LMNTD2: variants seen among roughly 807,000 people sequenced by gnomAD.
LMNTD2 encodes lamin tail domain containing 2.
In LMNTD2, 83 loss-of-function variants were observed where a neutral mutation model predicts 70.1. The ratio of observed to expected loss-of-function variants is 1.18; its 90% CI spans 0.99 to 1.42. The LOEUF is 1.42. Ranked by LOEUF, LMNTD2 falls within the 40% of genes most tolerant of loss-of-function variation. The probability of loss-of-function intolerance (pLI) is 0.00; values close to 1 mark genes in which losing one functional copy is unlikely to be tolerated. For synonymous variants in LMNTD2, 534 were observed against 406.1 expected (o/e 1.31, Z -3.79); for missense variants, 1,153 against 905.9 (o/e 1.27, Z -3.50).
chr11:556,142 G>C, intron 10 of LMNTD2, 27 bp from the exon 11 acceptor site: 1 of 1,329,536 alleles, frequency 7.5e-7, no homozygotes, highest in South Asian at 2.1e-5. Context: ...CGGCGGGTGA[G>C]GGGCGGCCGG....
intron 8 of LMNTD2, 61 bp from the exon 9 acceptor site, chr11:556,649 C>T: frequency 3.5e-6 from 5 of 1,437,158 alleles, no homozygotes; most frequent in East Asian, 2.5e-5. Context: ...CGGATGTTCC[C>T]CGTGAGGTCA....
rs752850359 is a variant in LMNTD2, at chr11:556,085, T to C, written c.1288A>G (p.Lys430Glu). 2.2e-5 allele frequency: 34 copies of C among 1,535,644 alleles called. No individual in the cohort carries two copies. The East Asian group carries it at 4.8e-4, about 22-fold the overall frequency. The change falls in exon 11 of 14, where the codon AAG becomes GAG. Residue 430 changes from lysine (K) to glutamate (E), a missense_variant. Coordinates refer to ENST00000329451, the MANE Select transcript of LMNTD2 (RefSeq NM_173573.3). ...VWGEATRSAK[K>E]PLRASSSREP... is the part of the protein sequence containing the mutation. ...CGGCTCGAGGACGCGCGCAGCGGCT[T>C]CTTGGCGCTGCGGGTCGCCTCGCCC... is the stretch of plus-strand genomic sequence containing the variant.
In LMNTD2 at chr11:555,638, G is replaced by GT. The variant is rs1323417001; in HGVS notation, c.1574+95dup. On this transcript the variant is annotated intron_variant, in intron 12 of 13. Coordinates refer to ENST00000329451, the MANE Select transcript of LMNTD2 (RefSeq NM_173573.3). ...GGCGGCCGGGGCGGGGCCTGGGGAA[G>GT]TAGGGGTCCGTCCTAGCGAGGGGAT... 3 of 1,272,088 alleles carry GT rather than the reference G, an allele frequency of 2.4e-6. No homozygotes were observed. The African/African-American group carries it at 4.7e-5, about 20-fold the overall frequency. 78.8% of individuals were successfully genotyped at this position (1,272,088 alleles called of 1,614,324 possible).
intron 1 of LMNTD2, 92 bp downstream of exon 1, chr11:560,591 G>C: frequency 2.3e-6 from 3 of 1,293,054 alleles, no homozygotes; most frequent in Admixed American, 8.3e-5. Context: ...GGGGGTTGCG[G>C]GATCTCAAGC....
intron 3 of LMNTD2, 145 bp from the exon 4 acceptor site, chr11:558,393 C>T: frequency 9.1e-7 from 1 of 1,100,388 alleles, no homozygotes; most frequent in South Asian, 1.6e-5. Flanking sequence ...TGGGGCTGGC[C>T]AGCCTCCGGC....
At position 555,071 on chromosome 11, in the gene LMNTD2, G is replaced by C; in HGVS notation, c.1814C>G (p.Ala605Gly). The C allele has an allele frequency of 6.3e-7, 1 of 1,579,424 alleles. No homozygotes were observed. Among genetic ancestry groups the C allele is most frequent in the Non-Finnish European group, 8.6e-7 (1 of 1,166,540 alleles). Reference sequence around the variant, plus strand: ...CTCCGCCGTGTTCTGCACCGACAGGGCCACCAGGGGGCAGCTACGGTCCAC... The same window carrying C: ...CTCCGCCGTGTTCTGCACCGACAGGCCCACCAGGGGGCAGCTACGGTCCAC... Reference protein sequence around the residue: ...KSVDRSCPLVALSVQNTAESR... With the variant: ...KSVDRSCPLVGLSVQNTAESR... The change falls in exon 14 of 14, where the codon GCC becomes GGC. Residue 605 changes from alanine to glycine, a missense_variant. Coordinates refer to ENST00000329451, the MANE Select transcript of LMNTD2 (RefSeq NM_173573.3).
In LMNTD2 at chr11:558,536, G is replaced by C. The variant is rs949163707; in HGVS notation, c.311+78C>G. ...GGTAAGGATCTGCCTCAGCGGTTGG[G>C]GTTGGGGTCAGACAGAAACCAGGAG... On this transcript the variant is annotated intron_variant, in intron 3 of 13. Transcript: ENST00000329451. 7.3e-6 allele frequency: 11 copies of C among 1,501,398 alleles called. No individual in the cohort carries two copies. The African/African-American group carries it at 1.4e-4, about 19-fold the overall frequency. 93.0% of individuals were successfully genotyped at this position (1,501,398 alleles called of 1,614,324 possible). A position where few individuals can be genotyped will look rare whatever the true frequency, so the allele number is the denominator to read the frequency against.
chr11:560,474 C>A (rs1853205474), intron 1 of LMNTD2: 2 of 1,254,182 alleles, frequency 1.6e-6, no homozygotes, highest in Non-Finnish European at 2.0e-6. Flanking sequence ...GGTGACCCTG[C>A]GACCCCGCGA....
At position 557,487 on chromosome 11, in the gene LMNTD2, C is replaced by T. The variant is rs561284051; in HGVS notation, c.625G>A (p.Gly209Ser). ...CAATCCACGTCCTCCAGCCGAAAGC[C>T]CTGGCCAGGAAGCAAGAGGCACATG... ...SENIQAPTGE[G>S]FRLEDVDWNS... The change falls in exon 7 of 14, where the codon GGC becomes AGC. Residue 209 changes from glycine to serine, a missense_variant and splice_region_variant. Physicochemically the swap from Gly to Ser is moderately conservative, Grantham distance 56. Coordinates refer to ENST00000329451, the MANE Select transcript of LMNTD2 (RefSeq NM_173573.3). The T allele has an allele frequency of 3.9e-4, 630 of 1,612,804 alleles. 11 individuals carry two copies. The South Asian group carries it at 6.6e-3, about 17-fold the overall frequency.
In LMNTD2 at chr11:556,489, T is replaced by A; in HGVS notation, c.1073+3A>T. ...CCGGAGGCTTGGGTCACTCGCCCCT[T>A]ACCTCTGCAGGAGTTCCGGGCTCCA... On this transcript the variant is annotated splice_donor_region_variant and intron_variant, in intron 9 of 13. Transcript: ENST00000329451. 6.4e-7 allele frequency: 1 copy of A among 1,550,822 alleles called. No individual in the cohort carries two copies. The highest frequency in any genetic ancestry group is 8.7e-7 in the Non-Finnish European group (1 of 1,147,152).
Position 557,552 on chromosome 11 carries a change from A to C in LMNTD2, c.624+20T>G, listed in dbSNP as rs1331885055. ...CAGGGCTCCAGATACCAGACCACAC[A>C]CGTGGGAGGCCTAGCTCACCTCCCC... On this transcript the variant is annotated intron_variant, in intron 6 of 13. Coordinates refer to ENST00000329451, the MANE Select transcript of LMNTD2 (RefSeq NM_173573.3). The C allele has an allele frequency of 1.2e-6, 2 of 1,613,288 alleles. No individual in the cohort carries two copies. The highest frequency in any genetic ancestry group is 1.3e-5 in the African/African-American group (1 of 74,996).
chr11:556,345 G>C lies in LMNTD2; in HGVS notation c.1104C>G (p.Ser368Arg), dbSNP rs959782450. 2 of 1,535,916 alleles carry C rather than the reference G, an allele frequency of 1.3e-6. No homozygotes were observed. The highest frequency in any genetic ancestry group is 1.4e-5 in the African/African-American group (1 of 73,044). Residue 368 changes from serine (S) to arginine (R), a missense_variant, in exon 10 of 14, where the codon AGC becomes AGG. Coordinates refer to ENST00000329451, the MANE Select transcript of LMNTD2 (RefSeq NM_173573.3). ...SPTGLKIVAVSCREKFVRIFN... is the reference protein window; with the variant it reads ...SPTGLKIVAVRCREKFVRIFN... ...AGATGCGGACGAACTTCTCCCGGCA[G>C]CTCACAGCCACGATCTTCAGGCCTG...
At chr11:557,844 A>T in intron 5 of LMNTD2, 40 bp downstream of exon 5, 1 of 1,527,224 alleles carries the variant, frequency 6.5e-7, no homozygotes, top group South Asian at 1.3e-5. Flanking sequence ...AGGGCTGGGG[A>T]GGGCAGCCTG....
At chr11:559,041 C>T (rs1564819511) in intron 1 of LMNTD2, 62 bp from the exon 2 acceptor site, 1 of 1,576,442 alleles carries the variant, frequency 6.3e-7, no homozygotes, top group Non-Finnish European at 8.6e-7. Context: ...ACTTGGGGGC[C>T]ATTCTCAATG....
chr11:557,717 G>A, intron 5 of LMNTD2, 77 bp from the exon 6 acceptor site: 1 of 1,604,846 alleles, frequency 6.2e-7, no homozygotes. Flanking sequence ...GACCTCACCT[G>A]TGCTTTGAGG....
At position 556,225 on chromosome 11, in the gene LMNTD2, C is replaced by T. The variant is rs974826670; in HGVS notation, c.1224G>A (p.Pro408=). Residue 408 remains proline (P), a synonymous_variant, in exon 10 of 14, where the codon CCG becomes CCA. Transcript: ENST00000329451. The part of the protein sequence containing the change: ...GFPERLYRFP[P]GTLLAPRHHV... ...GGTGCCGCGGGGCCAGCAGCGTGCC[C>T]GGCGGGAAGCGGTACAGGCGCTCCG... is the stretch of plus-strand genomic sequence containing the variant. 1.3e-4 allele frequency: 195 copies of T among 1,494,886 alleles called. No homozygotes were observed. Among genetic ancestry groups the T allele is most frequent in the Non-Finnish European group, 1.7e-4 (189 of 1,128,242 alleles). 92.6% of individuals were successfully genotyped at this position (1,494,886 alleles called of 1,614,324 possible).
intron 1 of LMNTD2, chr11:559,703 G>A (rs1853155911): frequency 8.6e-7 from 1 of 1,160,666 alleles, no homozygotes; most frequent in Non-Finnish European, 1.1e-6. Flanking sequence ...ACAAGCTGGG[G>A]ACTGTGCTGA....
rs764944318 is a variant in LMNTD2 at position 555,345 on chromosome 11, C to T, written c.1733G>A (p.Gly578Asp). The change falls in exon 13 of 14, where the codon GGC becomes GAC. Residue 578 changes from glycine to aspartate, a missense_variant. Physicochemically the swap from Gly to Asp is moderately conservative, Grantham distance 94. Transcript: ENST00000329451. ...LPSPPAEAGL[G>D]LEDCRLQKEH... ...TTTCTGGAGCCGACAGTCCTCCAGG[C>T]CCAGCCCGGCCTCTGCGGGAGGCGA... is the stretch of plus-strand genomic sequence containing the variant. 8 of 1,423,206 alleles carry T rather than the reference C, an allele frequency of 5.6e-6. No individual in the cohort carries two copies. In the East Asian group the frequency reaches 1.7e-4, roughly 30 times the overall value. 88.2% of individuals were successfully genotyped at this position (1,423,206 alleles called of 1,614,324 possible).
intron 13 of LMNTD2, 33 bp from the exon 14 acceptor site, chr11:555,144 G>T: frequency 9.6e-7 from 1 of 1,040,336 alleles, no homozygotes; most frequent in Non-Finnish European, 1.3e-6. Flanking sequence ...GGCGCGCGGG[G>T]CGGGGCGGGG....
Sources: gnomAD v4.1 joint callset for allele counts on GRCh38, gnomAD v4.1.1 for gene constraint, MANE v1.5 for transcripts, NCBI Gene and HGNC (gene_info 2026-07-23, HGNC 2026-07-21) for gene names.